The following B3GAT2 variants were observed in gnomAD, a reference collection of about 807,000 sequenced individuals.
The protein encoded by B3GAT2 is beta-1,3-glucuronyltransferase 2, also known as galactosylgalactosylxylosylprotein 3-beta-glucuronosyltransferase 2.
B3GAT2 carries 26 observed loss-of-function variants against 27.8 expected under a neutral mutation model. The ratio of observed to expected loss-of-function variants is 0.93; its 90% CI spans 0.68 to 1.30. The LOEUF (loss-of-function observed/expected upper bound fraction) is 1.30, where lower values mean the gene tolerates loss of function less well. Ranked by LOEUF, B3GAT2 falls within the 50% of genes most tolerant of loss-of-function variation. The pLI is 0.00. For missense variants in B3GAT2, 458 were observed against 459.0 expected (o/e 1.00, Z 0.02); for synonymous variants, 218 against 195.1 (o/e 1.12, Z -0.98).
chr6:70,937,048 A>C, intron 1 of B3GAT2, among the ~76,000 whole-genome samples: 1 of 151,892 alleles, frequency 6.6e-6, no homozygotes, highest in Non-Finnish European at 1.5e-5. Flanking sequence ...TCAAATAGAC[A>C]CAAAAAAATG....
In B3GAT2 at chr6:70,940,929, G is replaced by A. The variant is rs146459231; in HGVS notation, c.591+14910C>T. 5.3e-5 allele frequency among the ~76,000 whole-genome samples: 8 copies of A among 152,226 alleles called. No homozygotes were observed. In the East Asian group the frequency reaches 1.2e-3, roughly 22 times the overall value. On this transcript the variant is annotated intron_variant, in intron 1 of 3. Transcript: ENST00000230053. ...GTAAGTCAACTTCCTAGCTTTCACC[G>A]TTAGGAGTTAGCATCAGAAGTCAGA...
chr6:70,952,090 T>C (rs1283449984), intron 1 of B3GAT2, among the ~76,000 whole-genome samples: 1 of 152,082 alleles, frequency 6.6e-6, no homozygotes, highest in Non-Finnish European at 1.5e-5. Flanking sequence ...AGCACACAAA[T>C]ACTTCTGAAA....
Position 70,861,608 on chromosome 6 carries a change from T to C in B3GAT2, c.*55A>G, listed in dbSNP as rs1282881383. The C allele has an allele frequency of 6.6e-7, 1 of 1,515,514 alleles. No homozygotes were observed. The highest frequency in any genetic ancestry group is 1.4e-5 in the African/African-American group (1 of 72,910). 93.9% of individuals were successfully genotyped at this position (1,515,514 alleles called of 1,614,324 possible). On this transcript the variant is annotated 3_prime_UTR_variant, in exon 4 of 4. Transcript: ENST00000230053. ...TGCTCTGTAGCCTAAACTCCAAACA[T>C]CCTCTTCCATATGGATCCACTGGCT...
intron 1 of B3GAT2, among the ~76,000 whole-genome samples, chr6:70,896,178 G>A (rs1772381760): frequency 6.6e-6 from 1 of 152,044 alleles, no homozygotes; most frequent in Non-Finnish European, 1.5e-5. Context: ...TGGAGAGGTG[G>A]TATGCTGTGT....
intron 1 of B3GAT2, among the ~76,000 whole-genome samples, chr6:70,914,485 G>T (rs935643790): frequency 2.0e-5 from 3 of 152,162 alleles, no homozygotes; most frequent in African/African-American, 4.8e-5. Context: ...TGGCTGCATA[G>T]TATTCCATGG....
intron 1 of B3GAT2, among the ~76,000 whole-genome samples, chr6:70,914,512 T>A (rs1772737305): frequency 6.6e-6 from 1 of 152,250 alleles, no homozygotes; most frequent in Non-Finnish European, 1.5e-5. Flanking sequence ...TGTGCCACAT[T>A]TTCTTTATCC....
chr6:70,902,238 A>T (rs1469784442), intron 1 of B3GAT2, among the ~76,000 whole-genome samples: 1 of 152,320 alleles, frequency 6.6e-6, no homozygotes, highest in East Asian at 1.9e-4. Flanking sequence ...TCCTACATAT[A>T]GTCAGTCGAT....
chr6:70,864,002 A>G (rs1292766197), intron 2 of B3GAT2, among the ~76,000 whole-genome samples: 3 of 151,958 alleles, frequency 2.0e-5, no homozygotes, highest in African/African-American at 7.2e-5. Context: ...AGGTCAGATC[A>G]GATTTTAGTG....
chr6:70,920,055 C>T (rs758274007), intron 1 of B3GAT2, among the ~76,000 whole-genome samples: 1 of 152,118 alleles, frequency 6.6e-6, no homozygotes, highest in Non-Finnish European at 1.5e-5. Flanking sequence ...CAGTGGGCTC[C>T]GTCCAGTTCA....
chr6:70,945,037 A>G (rs1381516628), intron 1 of B3GAT2, among the ~76,000 whole-genome samples: 1 of 151,520 alleles, frequency 6.6e-6, no homozygotes, highest in Non-Finnish European at 1.5e-5. Context: ...GAAAACTAAC[A>G]AACAGAAAGG....
intron 1 of B3GAT2, among the ~76,000 whole-genome samples, chr6:70,904,963 T>C (rs1772574457): frequency 1.3e-5 from 2 of 152,246 alleles, no homozygotes; most frequent in South Asian, 2.1e-4. Context: ...TGCTGCTTCA[T>C]TGGATGCAAA....
intron 2 of B3GAT2, among the ~76,000 whole-genome samples, chr6:70,867,833 T>C (rs1162694656): frequency 6.6e-6 from 1 of 152,152 alleles, no homozygotes; most frequent in Non-Finnish European, 1.5e-5. Context: ...AGCATTGCCC[T>C]GATACCAAAA....
chr6:70,929,022 A>G (rs951240299), intron 1 of B3GAT2, among the ~76,000 whole-genome samples: 1 of 152,242 alleles, frequency 6.6e-6, no homozygotes, highest in African/African-American at 2.4e-5. Context: ...ATGGAATACT[A>G]TGCAGCCATA....
In B3GAT2 at chr6:70,859,885, GTAGT is replaced by G. The variant is rs1158299120; in HGVS notation, c.*1774_*1777del. On this transcript the variant is annotated 3_prime_UTR_variant, in exon 4 of 4. Coordinates refer to ENST00000230053, the MANE Select transcript of B3GAT2 (RefSeq NM_080742.3). ...CTTCCTAAAATTTTCTTACTCCTTA[GTAGT>G]TAAAGCACAATATCCTAGTGTAGGT... 1.4e-5 allele frequency: 3 copies of G among 219,380 alleles called. No individual in the cohort carries two copies. Among genetic ancestry groups the G allele is most frequent in the African/African-American group, 6.9e-5 (3 of 43,740 alleles). The allele number at this position is 219,380 out of a possible 1,614,324, so 13.6% of individuals were successfully genotyped here.
chr6:70,944,450 C>T lies in B3GAT2; in HGVS notation c.591+11389G>A, dbSNP rs527278408. On this transcript the variant is annotated intron_variant, in intron 1 of 3. Coordinates refer to ENST00000230053, the MANE Select transcript of B3GAT2 (RefSeq NM_080742.3). ...CCCACACATGGCGCCCACGGAGTCT[C>T]GCTGATTGCTAGCACAGGTCTGAGA... Among the ~76,000 whole-genome samples, 21 of 152,286 alleles carry T rather than the reference C, an allele frequency of 1.4e-4. 1 individual carries two copies. The highest frequency in any genetic ancestry group is 2.6e-4 in the Admixed American group (4 of 15,304).
chr6:70,902,469 C>T (rs1772516332), intron 1 of B3GAT2, among the ~76,000 whole-genome samples: 2 of 152,008 alleles, frequency 1.3e-5, no homozygotes, highest in Admixed American at 1.3e-4. Context: ...AATGATGCAG[C>T]AATTCCATTA....
chr6:70,909,893 A>G lies in B3GAT2; in HGVS notation c.592-15621T>C, dbSNP rs191593451. ...TTTTTTTGTTTTTCTTTTGTTTTTG[A>G]GACGGAGTCTTGCTTTGTTGCCCAG... On this transcript the variant is annotated intron_variant, in intron 1 of 3. Coordinates refer to ENST00000230053, the MANE Select transcript of B3GAT2 (RefSeq NM_080742.3). 3.5e-4 allele frequency among the ~76,000 whole-genome samples: 53 copies of G among 151,808 alleles called. No homozygotes were observed. The East Asian group carries it at 9.1e-3, about 26-fold the overall frequency.
chr6:70,934,717 T>C (rs1773114124), intron 1 of B3GAT2, among the ~76,000 whole-genome samples: 1 of 152,184 alleles, frequency 6.6e-6, no homozygotes, highest in Non-Finnish European at 1.5e-5. Flanking sequence ...AGAAAATGAT[T>C]CCCACCTTAA....
At chr6:70,864,223 T>A (rs892349957) in intron 2 of B3GAT2, among the ~76,000 whole-genome samples, 3 of 152,168 alleles carry the variant, frequency 2.0e-5, no homozygotes, top group South Asian at 4.1e-4. Context: ...TTTCTGGAAA[T>A]GATATGGAGC....
Sources: gnomAD v4.1 joint callset for allele counts (sites outside exome capture counted in the v4.1 genomes callset) on GRCh38, gnomAD v4.1.1 for gene constraint, MANE v1.5 for transcripts, NCBI Gene and HGNC (gene_info 2026-07-23, HGNC 2026-07-21) for gene names.